Variants in ABCA1 observed in about 807,000 individuals in gnomAD.
ABCA1 encodes phospholipid-transporting ATPase ABCA1.
ABCA1 carries 133 observed loss-of-function variants against 262.5 expected under a neutral mutation model. That is an observed-to-expected ratio of 0.51 (90% confidence interval 0.44 to 0.59). The LOEUF (loss-of-function observed/expected upper bound fraction) is 0.59. ABCA1 is among the 20% of genes least tolerant of loss of function. ABCA1 has a pLI of 0.00. For synonymous variants in ABCA1, 1,022 were observed against 1,043.5 expected (o/e 0.98, Z 0.40); for missense variants, 2,452 against 2,777.5 (o/e 0.88, Z 2.63).
At chr9:104,873,909 A>T (rs1211620924) in intron 5 of ABCA1, among the ~76,000 whole-genome samples, 1 of 152,176 alleles carries the variant, frequency 6.6e-6, no homozygotes, top group Non-Finnish European at 1.5e-5. Context: ...TCAAGCCAAG[A>T]TTTGAACCTA....
chr9:104,873,033 C>G (rs1269382398), intron 5 of ABCA1, among the ~76,000 whole-genome samples: 1 of 152,214 alleles, frequency 6.6e-6, no homozygotes, highest in Non-Finnish European at 1.5e-5. Context: ...GGCCCAGGCC[C>G]TTGCCCTGGA....
rs1420229297 is a variant in ABCA1, at chr9:104,784,204, T to C, written c.*111A>G. 1 of 1,395,460 alleles carries C rather than the reference T, an allele frequency of 7.2e-7. No homozygotes were observed. The highest frequency in any genetic ancestry group is 1.4e-5 in the African/African-American group (1 of 70,400). The allele number at this position is 1,395,460 out of a possible 1,614,324, so 86.4% of individuals were successfully genotyped here. Reference sequence around the variant, plus strand: ...TGAATAGTATCAGTACAGTATCCAGTTTACTTCTTCCCACATCAACTTCTG... The same window carrying C: ...TGAATAGTATCAGTACAGTATCCAGCTTACTTCTTCCCACATCAACTTCTG... On this transcript the variant is annotated 3_prime_UTR_variant, in exon 50 of 50. Coordinates refer to ENST00000374736, the MANE Select transcript of ABCA1 (RefSeq NM_005502.4).
At chr9:104,866,464 G>A (rs1238260069) in intron 5 of ABCA1, among the ~76,000 whole-genome samples, 3 of 151,704 alleles carry the variant, frequency 2.0e-5, no homozygotes, top group Non-Finnish European at 4.4e-5. Context: ...GCTGGGTTAG[G>A]TGGCCAGCCC....
chr9:104,917,676 C>T lies in ABCA1; in HGVS notation c.-93+10259G>A, dbSNP rs183568149. 3.0e-3 allele frequency among the ~76,000 whole-genome samples: 457 copies of T among 152,200 alleles called. 1 individual carries two copies. The highest frequency in any genetic ancestry group is 4.6e-3 in the Non-Finnish European group (310 of 68,012). ...GGCTGAGGCAGGAGAATCGCTTGAA[C>T]CCAGGAGGAAGAGGTTGCAGTGAGC... On this transcript the variant is annotated intron_variant, in intron 1 of 49. Coordinates refer to ENST00000374736, the MANE Select transcript of ABCA1 (RefSeq NM_005502.4).
rs1828823931 is a variant in ABCA1, at chr9:104,785,289, T to C, written c.6645+107A>G. The C allele has an allele frequency of 4.8e-6, 7 of 1,452,496 alleles. No homozygotes were observed. In the East Asian group the frequency reaches 1.6e-4, roughly 33 times the overall value. 90.0% of individuals were successfully genotyped at this position (1,452,496 alleles called of 1,614,324 possible). On this transcript the variant is annotated intron_variant, in intron 49 of 49. Coordinates refer to ENST00000374736, the MANE Select transcript of ABCA1 (RefSeq NM_005502.4). The stretch of plus-strand genomic sequence containing the variant: ...TAGCTAGGAATAGTAGATCAGGAAT[T>C]CAAGCACCAATTCAAGATACAAACT...
At chr9:104,818,183 AG>A (rs940415248) in intron 23 of ABCA1, among the ~76,000 whole-genome samples, 2 of 147,884 alleles carry the variant, frequency 1.4e-5, no homozygotes, top group Non-Finnish European at 3.0e-5. Flanking sequence ...AAAAAAAAAA[AG>A]GTTGTAAATG....
intron 7 of ABCA1, among the ~76,000 whole-genome samples, chr9:104,849,320 C>T (rs1410962464): frequency 6.6e-6 from 1 of 152,144 alleles, no homozygotes; most frequent in East Asian, 1.9e-4. Flanking sequence ...GACACAAATT[C>T]AATGCCATAT....
rs79617159 is a variant in ABCA1 at position 104,806,655 on chromosome 9, T to G, written c.4275-225A>C. ...TGTATCATTTTATACATAAGTAAAA[T>G]AGAATGCAAAGAGGCCCTAAATATT... is the stretch of plus-strand genomic sequence containing the variant. On this transcript the variant is annotated intron_variant, in intron 30 of 49. Coordinates refer to ENST00000374736, the MANE Select transcript of ABCA1 (RefSeq NM_005502.4). Among the ~76,000 whole-genome samples the G allele has an allele frequency of 0.014, 2,200 of 152,256 alleles. 27 individuals are homozygous for G. Among genetic ancestry groups the G allele is most frequent in the Middle Eastern group, 0.037 (11 of 294 alleles).
At chr9:104,844,956 A>T (rs551593147) in intron 8 of ABCA1, among the ~76,000 whole-genome samples, 4 of 152,356 alleles carry the variant, frequency 2.6e-5, no homozygotes, top group African/African-American at 9.6e-5. Flanking sequence ...GTGGACCTAA[A>T]AGGCAAACTC....
chr9:104,875,041 A>C lies in ABCA1; in HGVS notation c.421+7998T>G, dbSNP rs551732249. Among the ~76,000 whole-genome samples the C allele has an allele frequency of 1.1e-3, 160 of 152,196 alleles. 2 individuals are homozygous for C. The highest frequency in any genetic ancestry group is 3.6e-3 in the African/African-American group (148 of 41,544). ...CATGATGACAATGGCAGTTTTGTCG[A>C]ATAGAAAAGGGGGAAATGTGGGGAA... On this transcript the variant is annotated intron_variant, in intron 5 of 49. Transcript: ENST00000374736.
At chr9:104,871,164 G>A (rs1028441799) in intron 5 of ABCA1, among the ~76,000 whole-genome samples, 2 of 152,116 alleles carry the variant, frequency 1.3e-5, no homozygotes, top group African/African-American at 4.8e-5. Context: ...AGGAAATGGC[G>A]TTTGTCCCCT....
chr9:104,785,359 CCT>C, intron 49 of ABCA1, 35 bp downstream of exon 49: 1 of 1,612,778 alleles, frequency 6.2e-7, no homozygotes, highest in Non-Finnish European at 8.5e-7. Context: ...GAATCCACAC[CCT>C]GAGAAGTAAA....
intron 48 of ABCA1, 147 bp downstream of exon 48, chr9:104,786,151 C>A: frequency 1.4e-6 from 1 of 704,000 alleles, no homozygotes; most frequent in Non-Finnish European, 2.4e-6. Flanking sequence ...GAATGCAGTT[C>A]GGACTTCAAA....
At chr9:104,786,783 T>C in intron 47 of ABCA1, 90 bp downstream of exon 47, 1 of 1,227,074 alleles carries the variant, frequency 8.1e-7, no homozygotes, top group Non-Finnish European at 1.2e-6. Context: ...TTTGCTTTTC[T>C]GTATTTTCTA....
intron 7 of ABCA1, among the ~76,000 whole-genome samples, chr9:104,846,088 T>C (rs1834848035): frequency 6.6e-6 from 1 of 152,246 alleles, no homozygotes; most frequent in Non-Finnish European, 1.5e-5. Context: ...CATCGAGTTT[T>C]AGTCAAATCT....
At chr9:104,925,144 C>T (rs2487053) in intron 1 of ABCA1, among the ~76,000 whole-genome samples, 29,043 of 151,932 alleles carry the variant, frequency 0.19, 3,187 homozygotes, top group South Asian at 0.34. Flanking sequence ...TTTGGGAGGC[C>T]GAGGCGGGTG....
chr9:104,796,995 G>A (rs1829954132), intron 37 of ABCA1, among the ~76,000 whole-genome samples: 1 of 152,268 alleles, frequency 6.6e-6, no homozygotes, highest in African/African-American at 2.4e-5. Context: ...AGCACCAGCA[G>A]GGAAGTGATA....
rs1171070188 is a variant in ABCA1 at position 104,791,974 on chromosome 9, C to T, written c.5782G>A (p.Ala1928Thr). 2 of 1,613,470 alleles carry T rather than the reference C, an allele frequency of 1.2e-6. No individual in the cohort carries two copies. Among genetic ancestry groups the T allele is most frequent in the Non-Finnish European group, 1.7e-6 (2 of 1,179,850 alleles). Reference protein sequence around the residue: ...TKIYRRKRKPAVDRICVGIPP... With the variant: ...TKIYRRKRKPTVDRICVGIPP... ...ATGCCCACGCAAATCCTGTCAACAGCAGGCTTCCGCTTCCTTCTATATATC... is the reference window on the plus strand; with the variant it reads ...ATGCCCACGCAAATCCTGTCAACAGTAGGCTTCCGCTTCCTTCTATATATC... The change falls in exon 43 of 50, where the codon GCT (alanine) becomes ACT (threonine). Residue 1928 changes from alanine to threonine, a missense_variant. Physicochemically the swap from Ala to Thr is moderately conservative, Grantham distance 58. This residue lies in a region of ABCA1 where 752 missense variants were observed against 944.5 expected (regional missense o/e 0.80). Coordinates refer to ENST00000374736, the MANE Select transcript of ABCA1 (RefSeq NM_005502.4).
chr9:104,914,095 G>A (rs1337707201), intron 1 of ABCA1, among the ~76,000 whole-genome samples: 5 of 150,302 alleles, frequency 3.3e-5, no homozygotes, highest in Admixed American at 1.3e-4. Flanking sequence ...CACCGCACCC[G>A]GCCCCCTACA....
Sources: allele counts gnomAD v4.1 joint callset (sites outside exome capture counted in the v4.1 genomes callset), GRCh38; gene constraint gnomAD v4.1.1; regional missense constraint gnomAD v4.1.1; transcripts MANE v1.5; gene names NCBI Gene and HGNC (gene_info 2026-07-23, HGNC 2026-07-21).